The following COMMD1 variants were observed in gnomAD, a reference collection of about 807,000 sequenced individuals.
COMMD1 encodes copper metabolism domain containing 1, also known as COMM domain-containing protein 1.
Under a neutral mutation model 17.2 loss-of-function variants are expected in COMMD1, and 10 were observed. The ratio of observed to expected loss-of-function variants is 0.58; its 90% CI spans 0.36 to 0.99. COMMD1 has a LOEUF of 0.99. COMMD1 is among the 50% of genes least tolerant of loss of function. The pLI is 0.01. For synonymous variants in COMMD1, 97 were observed against 91.6 expected (o/e 1.06, Z -0.34); for missense variants, 270 against 231.8 (o/e 1.17, Z -1.07).
intron 1 of COMMD1, among the ~76,000 whole-genome samples, chr2:61,891,828 TTTTATTTA>T (rs969582906): frequency 6.6e-6 from 1 of 151,870 alleles, no homozygotes; most frequent in Non-Finnish European, 1.5e-5. Flanking sequence ...GATATTTATT[TTTTATTTA>T]TTTATTTATT....
intron 2 of COMMD1, among the ~76,000 whole-genome samples, chr2:62,068,432 T>C (rs924136936): frequency 6.6e-6 from 1 of 152,046 alleles, no homozygotes; most frequent in Non-Finnish European, 1.5e-5. Context: ...TTCTTAGATA[T>C]AACACCAAAA....
At position 62,000,985 on chromosome 2, in the gene COMMD1, G is replaced by A. The variant is rs2103804852; in HGVS notation, c.462+3G>A. ...TGGAATTAGGCAAATATGGACAGGT[G>A]AGTTAAACTTAAGTCAATTTTCCTT... On this transcript the variant is annotated splice_donor_region_variant and intron_variant, in intron 2 of 2. Transcript: ENST00000311832. The A allele has an allele frequency of 6.2e-7, 1 of 1,611,540 alleles. No homozygotes were observed. The highest frequency in any genetic ancestry group is 8.5e-7 in the Non-Finnish European group (1 of 1,179,906).
intron 1 of COMMD1, among the ~76,000 whole-genome samples, chr2:61,937,612 A>C (rs1432123922): frequency 6.6e-6 from 1 of 152,248 alleles, no homozygotes; most frequent in East Asian, 1.9e-4. Flanking sequence ...ACAAACAAAA[A>C]GCCAAAGGTG....
chr2:62,094,995 A>C (rs1671961192), intron 2 of COMMD1, among the ~76,000 whole-genome samples: 1 of 152,208 alleles, frequency 6.6e-6, no homozygotes, highest in Non-Finnish European at 1.5e-5. Flanking sequence ...CCACCACTCC[A>C]TAGTCAAGCT....
At chr2:62,117,427 T>C (rs572757828) in intron 2 of COMMD1, among the ~76,000 whole-genome samples, 108 of 152,376 alleles carry the variant, frequency 7.1e-4, no homozygotes, top group African/African-American at 2.5e-3. Context: ...TGCCTATTAA[T>C]GATGGCGTTT....
intron 1 of COMMD1, among the ~76,000 whole-genome samples, chr2:61,930,649 G>A (rs1339644489): frequency 6.6e-6 from 1 of 151,882 alleles, no homozygotes; most frequent in East Asian, 1.9e-4. Context: ...GTGTGTGTGT[G>A]TGTGTGTGAG....
At chr2:61,890,697 C>T (rs1046054296) in intron 1 of COMMD1, among the ~76,000 whole-genome samples, 2 of 151,682 alleles carry the variant, frequency 1.3e-5, no homozygotes, top group Non-Finnish European at 2.9e-5. Context: ...AAACATTAAC[C>T]GGGGGTGTAA....
intron 1 of COMMD1, among the ~76,000 whole-genome samples, chr2:61,979,499 G>A (rs1316958963): frequency 6.6e-6 from 1 of 151,984 alleles, no homozygotes; most frequent in African/African-American, 2.4e-5. Context: ...TAAAAATAGA[G>A]CTAGCATATA....
intron 2 of COMMD1, among the ~76,000 whole-genome samples, chr2:62,013,964 G>A (rs1669361469): frequency 6.6e-6 from 1 of 152,198 alleles, no homozygotes; most frequent in Non-Finnish European, 1.5e-5. Flanking sequence ...CTTACAGAGA[G>A]ATGCACTTGA....
At chr2:62,059,832 C>T (rs1326090470) in intron 2 of COMMD1, among the ~76,000 whole-genome samples, 1 of 152,196 alleles carries the variant, frequency 6.6e-6, no homozygotes, top group East Asian at 1.9e-4. Context: ...TTTTAAAGTG[C>T]TTACTCCATT....
At chr2:61,936,398 T>C (rs954269361) in intron 1 of COMMD1, among the ~76,000 whole-genome samples, 2 of 152,240 alleles carry the variant, frequency 1.3e-5, no homozygotes, top group Non-Finnish European at 2.9e-5. Context: ...AGAGTAATTA[T>C]ATGTGAATGA....
rs565536751 is a variant in COMMD1, at chr2:62,033,018, C to T, written c.462+32036C>T. Among the ~76,000 whole-genome samples the T allele has an allele frequency of 2.2e-3, 340 of 152,250 alleles. 1 individual carries two copies. Among genetic ancestry groups the T allele is most frequent in the African/African-American group, 8.0e-3 (334 of 41,498 alleles). On this transcript the variant is annotated intron_variant, in intron 2 of 2. Transcript: ENST00000311832. ...CTCCTGACCTCAGGTGATCTGCCCA[C>T]CTTGGCCTCCCAAAGTGCTGGGATT...
At position 61,972,585 on chromosome 2, in the gene COMMD1, G is replaced by A. The variant is rs181188028; in HGVS notation, c.181-28116G>A. ...TTAACAACCACAAGCCATGTTGATA[G>A]CACATACCCTTGATATGGTGGGATG... On this transcript the variant is annotated intron_variant, in intron 1 of 2. Transcript: ENST00000311832. Among the ~76,000 whole-genome samples, 5 of 152,278 alleles carry A rather than the reference G, an allele frequency of 3.3e-5. No homozygotes were observed. In the East Asian group the frequency reaches 9.6e-4, roughly 29 times the overall value.
At chr2:61,968,277 A>G (rs1348285280) in intron 1 of COMMD1, among the ~76,000 whole-genome samples, 2 of 152,208 alleles carry the variant, frequency 1.3e-5, no homozygotes, top group Non-Finnish European at 2.9e-5. Flanking sequence ...TGTGAGTCCA[A>G]AACAGTTGAA....
chr2:61,913,074 A>C (rs1437434689), intron 1 of COMMD1, among the ~76,000 whole-genome samples: 1 of 152,084 alleles, frequency 6.6e-6, no homozygotes, highest in Non-Finnish European at 1.5e-5. Context: ...CTAAAAATTT[A>C]AAAGAAAAAA....
At chr2:61,910,335 C>G (rs568911197) in intron 1 of COMMD1, among the ~76,000 whole-genome samples, 1 of 151,974 alleles carries the variant, frequency 6.6e-6, no homozygotes, top group South Asian at 2.1e-4. Flanking sequence ...ACTGCAACCT[C>G]TACCTCCTGG....
At chr2:61,925,950 TTTTTTTGTTTTTTG>T (rs963373043) in intron 1 of COMMD1, among the ~76,000 whole-genome samples, 30 of 152,162 alleles carry the variant, frequency 2.0e-4, no homozygotes, top group African/African-American at 7.0e-4. Context: ...GTTAGTGTTT[TTTTTTTGTTTTTTG>T]TTTTTTGTTT....
At chr2:61,978,798 T>G (rs1377566033) in intron 1 of COMMD1, among the ~76,000 whole-genome samples, 1 of 152,170 alleles carries the variant, frequency 6.6e-6, no homozygotes, top group Non-Finnish European at 1.5e-5. Flanking sequence ...AAGGGGAAGT[T>G]GTCAGTTTCC....
intron 2 of COMMD1, among the ~76,000 whole-genome samples, chr2:62,075,393 C>T (rs758647080): frequency 2.6e-5 from 4 of 152,154 alleles, no homozygotes; most frequent in Non-Finnish European, 4.4e-5. Context: ...TTATCACAGT[C>T]GCTACCCCCA....
Sources: allele counts gnomAD v4.1 joint callset (sites outside exome capture counted in the v4.1 genomes callset), GRCh38; gene constraint gnomAD v4.1.1; transcripts MANE v1.5; gene names NCBI Gene and HGNC (gene_info 2026-07-23, HGNC 2026-07-21).